The following ENTREP2 variants were observed in gnomAD, a reference collection of about 807,000 sequenced individuals.
The protein encoded by ENTREP2 is protein ENTREP2.
At chr15:29,191,676 T>C in the ENTREP2 span, among the ~76,000 whole-genome samples, 280 of 152,218 alleles carry the variant, frequency 1.8e-3, no homozygotes, top group African/African-American at 6.4e-3. Context: ...CCCAGCACTT[T>C]GGGAGGTCAA....
chr15:29,200,725 A>AT, the ENTREP2 span, among the ~76,000 whole-genome samples: 5 of 150,238 alleles, frequency 3.3e-5, no homozygotes, highest in Admixed American at 6.6e-5. Context: ...GGCCCAGCTA[A>AT]TTTTTTTTGT....
chr15:29,472,098 C>A, the ENTREP2 span, among the ~76,000 whole-genome samples: 772 of 152,312 alleles, frequency 5.1e-3, 8 homozygotes, highest in African/African-American at 0.018. Flanking sequence ...CCAAAACAAT[C>A]TTCCCCCAAG....
At chr15:29,341,074 A>C in the ENTREP2 span, among the ~76,000 whole-genome samples, 1 of 152,150 alleles carries the variant, frequency 6.6e-6, no homozygotes, top group Non-Finnish European at 1.5e-5. Flanking sequence ...ACCAATAACC[A>C]CAGGGCTGGT....
chr15:29,148,217 T>C, the ENTREP2 span, among the ~76,000 whole-genome samples: 1 of 152,184 alleles, frequency 6.6e-6, no homozygotes, highest in African/African-American at 2.4e-5. Flanking sequence ...AAATGGATTG[T>C]GGTGAAGGTT....
the ENTREP2 span, among the ~76,000 whole-genome samples, chr15:29,262,455 A>G: frequency 6.6e-6 from 1 of 152,196 alleles, no homozygotes; most frequent in Admixed American, 6.5e-5. Flanking sequence ...TTTTTGTCCA[A>G]TCACATTTCT....
the ENTREP2 span, among the ~76,000 whole-genome samples, chr15:29,404,075 G>T: frequency 0.11 from 16,497 of 152,076 alleles, 1,070 homozygotes; most frequent in East Asian, 0.3. Context: ...CTGTCCCCAC[G>T]AGGTTCTGAG....
the ENTREP2 span, among the ~76,000 whole-genome samples, chr15:29,328,049 G>A: frequency 1.3e-5 from 2 of 152,194 alleles, no homozygotes; most frequent in African/African-American, 4.8e-5. Flanking sequence ...TTAAATAGGT[G>A]AATGGATAAA....
chr15:29,275,435 A>T, the ENTREP2 span, among the ~76,000 whole-genome samples: 1 of 152,246 alleles, frequency 6.6e-6, no homozygotes, highest in Admixed American at 6.5e-5. Flanking sequence ...TGATTCGAAT[A>T]TGGCATTTGT....
chr15:29,595,265 A>G, the ENTREP2 span, among the ~76,000 whole-genome samples: 2 of 151,836 alleles, frequency 1.3e-5, no homozygotes, highest in African/African-American at 4.8e-5. Context: ...AAATAAAATA[A>G]AATAAAATAA....
the ENTREP2 span, among the ~76,000 whole-genome samples, chr15:29,224,773 C>T: frequency 6.6e-6 from 1 of 152,240 alleles, no homozygotes; most frequent in Non-Finnish European, 1.5e-5. Flanking sequence ...AGCTGCCTGC[C>T]AGTCCCCTGC....
chr15:29,621,439 C>T, the ENTREP2 span, among the ~76,000 whole-genome samples: 17 of 139,318 alleles, frequency 1.2e-4, no homozygotes, highest in African/African-American at 4.6e-4. Context: ...AGGAGAATGG[C>T]GTGAACCCAG....
chr15:29,333,310 T>C, the ENTREP2 span, among the ~76,000 whole-genome samples: 1 of 152,076 alleles, frequency 6.6e-6, no homozygotes, highest in Non-Finnish European at 1.5e-5. Context: ...ACCTCTGAGC[T>C]GAGAAAAGTG....
the ENTREP2 span, among the ~76,000 whole-genome samples, chr15:29,594,221 G>A: frequency 2.0e-5 from 3 of 152,192 alleles, no homozygotes; most frequent in East Asian, 3.9e-4. Context: ...GGGAGGATAA[G>A]TTGTGGTTCT....
At chr15:29,344,971 C>CGT in the ENTREP2 span, among the ~76,000 whole-genome samples, 1 of 148,396 alleles carries the variant, frequency 6.7e-6, no homozygotes, top group African/African-American at 2.5e-5. Context: ...CACACACACA[C>CGT]GTCTGTGTTT....
At chr15:29,546,293 T>C in the ENTREP2 span, among the ~76,000 whole-genome samples, 1 of 152,170 alleles carries the variant, frequency 6.6e-6, no homozygotes, top group African/African-American at 2.4e-5. Context: ...ATGAAACATC[T>C]GCAGACCCTG....
chr15:29,406,666 G>A, the ENTREP2 span, among the ~76,000 whole-genome samples: 8 of 152,118 alleles, frequency 5.3e-5, no homozygotes, highest in Non-Finnish European at 1.2e-4. Context: ...TTGTTCTGTA[G>A]AGAAGCTGCC....
At chr15:29,600,439 C>CCACCACCAT in the ENTREP2 span, among the ~76,000 whole-genome samples, 6 of 141,700 alleles carry the variant, frequency 4.2e-5, no homozygotes, top group African/African-American at 1.7e-4. Context: ...TTCTCTCCCA[C>CCACCACCAT]CATCATCATC....
the ENTREP2 span, among the ~76,000 whole-genome samples, chr15:29,502,599 T>C: frequency 6.6e-6 from 1 of 151,922 alleles, no homozygotes; most frequent in African/African-American, 2.4e-5. Flanking sequence ...TTGAACCTCA[T>C]CGATATTTAA....
the ENTREP2 span, among the ~76,000 whole-genome samples, chr15:29,415,773 CCTT>C: frequency 6.6e-6 from 1 of 152,170 alleles, no homozygotes; most frequent in Non-Finnish European, 1.5e-5. Context: ...CCCACAATCT[CCTT>C]AAGCTGATAA....
Sources: gnomAD v4.1 joint callset for allele counts (sites outside exome capture counted in the v4.1 genomes callset) on GRCh38, gnomAD v4.1.1 for gene constraint, MANE v1.5 for transcripts, NCBI Gene and HGNC (gene_info 2026-07-23, HGNC 2026-07-21) for gene names.